CAMTA1: variants seen among roughly 807,000 people sequenced by gnomAD.
CAMTA1 encodes calmodulin binding transcription activator 1.
Under a neutral mutation model 170.9 loss-of-function variants are expected in CAMTA1, and 27 were observed. The observed-to-expected ratio is 0.16, with a 90% CI of 0.12 to 0.22. CAMTA1 has a LOEUF of 0.22. Among genes scored for constraint, CAMTA1 ranks in the 10% least tolerant of loss-of-function variants. CAMTA1 has a pLI of 1.00. For missense variants in CAMTA1, 1,619 were observed against 2,217.2 expected, an observed-to-expected ratio of 0.73 and a Z score of 5.42; for synonymous variants, 833 against 891.5, an observed-to-expected ratio of 0.93 and a Z score of 1.17.
chr1:7,401,559 C>A (rs1409607687), intron 5 of CAMTA1, among the ~76,000 whole-genome samples: 1 of 152,068 alleles, frequency 6.6e-6, no homozygotes, highest in Non-Finnish European at 1.5e-5. Context: ...ATCGGAACTG[C>A]ATTGAATCTA....
intron 10 of CAMTA1, among the ~76,000 whole-genome samples, chr1:7,676,963 C>T (rs1576782245): frequency 6.6e-6 from 1 of 152,166 alleles, no homozygotes; most frequent in Non-Finnish European, 1.5e-5. Context: ...CGAGACCTGC[C>T]AGGGCCCTGT....
intron 3 of CAMTA1, among the ~76,000 whole-genome samples, chr1:6,910,017 T>C (rs1396274815): frequency 6.6e-6 from 1 of 152,246 alleles, no homozygotes; most frequent in Non-Finnish European, 1.5e-5. Context: ...TGAAAATCAG[T>C]TGGCCTTTCT....
At chr1:7,494,869 G>A (rs905111496) in intron 6 of CAMTA1, among the ~76,000 whole-genome samples, 3 of 152,194 alleles carry the variant, frequency 2.0e-5, no homozygotes, top group Non-Finnish European at 4.4e-5. Flanking sequence ...GGAGGAACAA[G>A]TAGGGAACAG....
At chr1:7,197,678 A>ACACACT (rs57819326) in intron 4 of CAMTA1, among the ~76,000 whole-genome samples, 8,046 of 139,094 alleles carry the variant, frequency 0.058, 550 homozygotes, top group South Asian at 0.13. Context: ...ACACACACAC[A>ACACACT]ATCTACTTGC....
intron 5 of CAMTA1, among the ~76,000 whole-genome samples, chr1:7,358,539 TGCCCCGC>T (rs1292355646): frequency 6.6e-6 from 1 of 151,934 alleles, no homozygotes; most frequent in East Asian, 2.0e-4. Context: ...CGTCCCTGCA[TGCCCCGC>T]GCCACCCCTG....
intron 17 of CAMTA1, among the ~76,000 whole-genome samples, chr1:7,745,534 GA>G (rs966946039): frequency 6.6e-6 from 1 of 151,416 alleles, no homozygotes; most frequent in Non-Finnish European, 1.5e-5. Flanking sequence ...TCAAAAAAAA[GA>G]AAAAAAAGAG....
intron 5 of CAMTA1, among the ~76,000 whole-genome samples, chr1:7,324,032 C>T (rs1678898243): frequency 6.6e-6 from 1 of 152,126 alleles, no homozygotes; most frequent in Non-Finnish European, 1.5e-5. Flanking sequence ...CAAATCTTTT[C>T]TATTCTTCTC....
intron 4 of CAMTA1, among the ~76,000 whole-genome samples, chr1:7,199,673 AAT>A (rs1017060678): frequency 4.1e-5 from 6 of 146,696 alleles, no homozygotes; most frequent in African/African-American, 1.5e-4. Context: ...GTGTGGCTGA[AAT>A]GTATCCAAGG....
At chr1:6,964,728 G>A (rs1028089207) in intron 3 of CAMTA1, among the ~76,000 whole-genome samples, 6 of 152,210 alleles carry the variant, frequency 3.9e-5, no homozygotes, top group Admixed American at 2.0e-4. Context: ...GTCCCTTTGA[G>A]GTGCTTAGAG....
At chr1:7,429,586 G>T (rs1200472534) in intron 5 of CAMTA1, among the ~76,000 whole-genome samples, 1 of 152,034 alleles carries the variant, frequency 6.6e-6, no homozygotes, top group African/African-American at 2.4e-5. Flanking sequence ...GGTGATGCTG[G>T]TGGCAGTGGT....
chr1:6,825,428 C>T (rs139638631), intron 3 of CAMTA1, among the ~76,000 whole-genome samples: 31 of 152,282 alleles, frequency 2.0e-4, no homozygotes, highest in African/African-American at 5.8e-4. Flanking sequence ...ACAATGTGCA[C>T]GTTGACTTAA....
intron 11 of CAMTA1, among the ~76,000 whole-genome samples, chr1:7,717,608 G>A (rs1577150414): frequency 6.6e-6 from 1 of 152,008 alleles, no homozygotes. Context: ...TTAGCCAGGC[G>A]TGGTGGTGCA....
intron 3 of CAMTA1, among the ~76,000 whole-genome samples, chr1:6,964,256 C>T (rs1186423260): frequency 6.6e-6 from 1 of 150,952 alleles, no homozygotes. Flanking sequence ...GTGGTGTGTC[C>T]TGGGTCTGTA....
intron 3 of CAMTA1, among the ~76,000 whole-genome samples, chr1:6,907,525 T>C (rs571485544): frequency 2.2e-4 from 33 of 152,324 alleles, no homozygotes; most frequent in African/African-American, 7.7e-4. Flanking sequence ...GAATTCTGGC[T>C]TGTCCAGACC....
chr1:7,080,907 AG>A (rs1180399167), intron 3 of CAMTA1, among the ~76,000 whole-genome samples: 1 of 152,232 alleles, frequency 6.6e-6, no homozygotes, highest in Non-Finnish European at 1.5e-5. Flanking sequence ...CCAAAATATC[AG>A]GGGTAAAGCA....
intron 5 of CAMTA1, among the ~76,000 whole-genome samples, chr1:7,411,666 G>C (rs1575172664): frequency 2.0e-5 from 3 of 151,972 alleles, no homozygotes; most frequent in Admixed American, 2.0e-4. Context: ...CTCAGAGAGA[G>C]ACTCTTGGCC....
At chr1:7,020,633 G>A (rs1701208180) in intron 3 of CAMTA1, among the ~76,000 whole-genome samples, 1 of 152,216 alleles carries the variant, frequency 6.6e-6, no homozygotes, top group African/African-American at 2.4e-5. Context: ...ATGCCCCTCT[G>A]AGGGCTCCTG....
intron 9 of CAMTA1, among the ~76,000 whole-genome samples, chr1:7,668,593 T>C (rs1372465837): frequency 1.3e-5 from 2 of 151,720 alleles, no homozygotes; most frequent in Admixed American, 6.6e-5. Context: ...CTGACACTCC[T>C]GCTGCAGCAG....
chr1:6,991,824 G>A (rs565825083), intron 3 of CAMTA1, among the ~76,000 whole-genome samples: 12 of 152,152 alleles, frequency 7.9e-5, no homozygotes, highest in African/African-American at 2.6e-4. Context: ...TCAGCCTTCT[G>A]AGTAGCTGGG....
Sources: allele counts gnomAD v4.1 joint callset (sites outside exome capture counted in the v4.1 genomes callset), GRCh38; gene constraint gnomAD v4.1.1; transcripts MANE v1.5; gene names NCBI Gene and HGNC (gene_info 2026-07-23, HGNC 2026-07-21).